UCK2: variants seen among roughly 807,000 people sequenced by gnomAD.
The protein encoded by UCK2 is cytidine monophosphokinase 2.
In UCK2, 6 loss-of-function variants were observed where a neutral mutation model predicts 30.8. The observed-to-expected ratio is 0.19, with a 90% CI of 0.11 to 0.38. The LOEUF (loss-of-function observed/expected upper bound fraction) is 0.38, where lower values mean the gene tolerates loss of function less well. UCK2 is among the 10% of genes least tolerant of loss of function. The pLI is 1.00. For missense variants in UCK2, 210 were observed against 339.8 expected, an observed-to-expected ratio of 0.62 and a Z score of 3.00; for synonymous variants, 125 against 133.6, an observed-to-expected ratio of 0.94 and a Z score of 0.45.
intron 3 of UCK2, chr1:165,894,686 C>T (rs1159193364): frequency 6.6e-6 from 1 of 151,924 alleles, no homozygotes; most frequent in Non-Finnish European, 1.5e-5. Flanking sequence ...GTCTTCCCTG[C>T]CCCGTTCTGC....
Position 165,896,316 on chromosome 1 carries a change from C to G in UCK2, c.483C>G (p.Thr161=). The change falls in exon 4 of 7, where the codon ACC becomes ACG. Residue 161 remains threonine (T), a synonymous_variant. Transcript: ENST00000367879. ...MKLFVDTDAD[T]RLSRRVLRDI... is the part of the protein sequence containing the mutation. ...TTTTTGTGGATACAGATGCGGACAC[C>G]CGGCTCTCACGCAGAGGTGCGTTCT... The G allele has an allele frequency of 6.2e-7, 1 of 1,614,092 alleles. No individual in the cohort carries two copies. The highest frequency in any genetic ancestry group is 8.5e-7 in the Non-Finnish European group (1 of 1,180,026).
At chr1:165,832,857 G>C (rs1654085546) in intron 1 of UCK2, among the ~76,000 whole-genome samples, 1 of 152,124 alleles carries the variant, frequency 6.6e-6, no homozygotes, top group South Asian at 2.1e-4. Context: ...AAAGTGCTGA[G>C]ATTACAGGCA....
At position 165,886,299 on chromosome 1, in the gene UCK2, C is replaced by G. The variant is rs1000235743; in HGVS notation, c.100-3905C>G. The stretch of plus-strand genomic sequence containing the variant: ...ATTTCTCTTTCTTTTCTTTTTTTCT[C>G]TCTTATTTTTTTAGAGATAGAGTCT... On this transcript the variant is annotated intron_variant, in intron 1 of 6. Transcript: ENST00000367879. Among the ~76,000 whole-genome samples, 5 of 151,786 alleles carry G rather than the reference C, an allele frequency of 3.3e-5. No individual in the cohort carries two copies. The Admixed American group carries it at 3.3e-4, about 10-fold the overall frequency.
In UCK2 at chr1:165,827,862, A is replaced by G. The variant is rs1653927951; in HGVS notation, c.29A>G (p.Gln10Arg). 1.4e-6 allele frequency: 2 copies of G among 1,478,444 alleles called. No individual in the cohort carries two copies. Among genetic ancestry groups the G allele is most frequent in the Non-Finnish European group, 1.8e-6 (2 of 1,108,164 alleles). The allele number at this position is 1,478,444 out of a possible 1,614,324, so 91.6% of individuals were successfully genotyped here. Reference sequence around the variant, plus strand: ...GCCGGGGACAGCGAGCAGACCCTGCAGAACCACCAGCAGCCCAACGGCGGC... The same window carrying G: ...GCCGGGGACAGCGAGCAGACCCTGCGGAACCACCAGCAGCCCAACGGCGGC... MAGDSEQTLQNHQQPNGGEP... is the reference protein window; with the variant it reads MAGDSEQTLRNHQQPNGGEP... The change falls in exon 1 of 7, where the codon CAG (glutamine) becomes CGG (arginine). Residue 10 changes from glutamine to arginine, a missense_variant. Coordinates refer to ENST00000367879, the MANE Select transcript of UCK2 (RefSeq NM_012474.5).
chr1:165,864,704 C>G (rs1655004794), intron 1 of UCK2, among the ~76,000 whole-genome samples: 1 of 152,058 alleles, frequency 6.6e-6, no homozygotes, highest in African/African-American at 2.4e-5. Flanking sequence ...TTTAGAGACA[C>G]AGTCTTACTC....
In UCK2 at chr1:165,828,448, G is replaced by A. The variant is rs542042678; in HGVS notation, c.99+516G>A. 3.6e-3 allele frequency among the ~76,000 whole-genome samples: 541 copies of A among 152,364 alleles called. 9 individuals are homozygous for A. Among genetic ancestry groups the A allele is most frequent in the African/African-American group, 0.013 (524 of 41,592 alleles). On this transcript the variant is annotated intron_variant, in intron 1 of 6. Coordinates refer to ENST00000367879, the MANE Select transcript of UCK2 (RefSeq NM_012474.5). ...GGGAACGCGCGAGGCGGCATCCCGG[G>A]GAAGGGGAGCCCAGTGTGGGGCTGC...
chr1:165,872,036 T>TC (rs1395875579), intron 1 of UCK2, among the ~76,000 whole-genome samples: 21 of 151,922 alleles, frequency 1.4e-4, no homozygotes, highest in Non-Finnish European at 2.1e-4. Context: ...TTTTTTTTTT[T>TC]TCTCTTTTTG....
At chr1:165,887,680 G>A (rs1031178807) in intron 1 of UCK2, among the ~76,000 whole-genome samples, 7 of 152,020 alleles carry the variant, frequency 4.6e-5, no homozygotes, top group Non-Finnish European at 8.8e-5. Flanking sequence ...CGTAAGAAAC[G>A]TCCTAAGATA....
At chr1:165,885,189 T>C in intron 1 of UCK2, 1 of 387,940 alleles carries the variant, frequency 2.6e-6, no homozygotes, top group East Asian at 3.6e-5. Context: ...CCAAAGCGGC[T>C]TATGTTCTAA....
chr1:165,878,386 A>G (rs1398811944), intron 1 of UCK2, among the ~76,000 whole-genome samples: 3 of 150,420 alleles, frequency 2.0e-5, no homozygotes, highest in African/African-American at 7.4e-5. Flanking sequence ...GCTGGAGTGC[A>G]ATGGCGCAAT....
At chr1:165,855,834 G>T (rs566189550) in intron 1 of UCK2, among the ~76,000 whole-genome samples, 91 of 152,236 alleles carry the variant, frequency 6.0e-4, no homozygotes, top group African/African-American at 2.0e-3. Flanking sequence ...CTGTTTCCTT[G>T]TCCTGGCCAA....
At chr1:165,830,646 A>G (rs1225138593) in intron 1 of UCK2, among the ~76,000 whole-genome samples, 1 of 152,168 alleles carries the variant, frequency 6.6e-6, no homozygotes, top group Non-Finnish European at 1.5e-5. Flanking sequence ...TGTAGAGACT[A>G]GGTCACCATG....
intron 4 of UCK2, chr1:165,902,868 T>A (rs1455114847): frequency 3.7e-5 from 8 of 218,022 alleles, no homozygotes; most frequent in Admixed American, 2.1e-4. Flanking sequence ...CCTGCTTTTT[T>A]AAAAAATTCA....
chr1:165,828,563 G>T (rs1653957939), intron 1 of UCK2, among the ~76,000 whole-genome samples: 1 of 152,236 alleles, frequency 6.6e-6, no homozygotes, highest in African/African-American at 2.4e-5. Context: ...AATAGTAGGG[G>T]CTTCTGTTTT....
intron 1 of UCK2, among the ~76,000 whole-genome samples, chr1:165,874,532 A>G (rs1349364773): frequency 1.3e-5 from 2 of 152,118 alleles, no homozygotes; most frequent in African/African-American, 4.8e-5. Flanking sequence ...CCCTGCGTTA[A>G]AAGGGATAGG....
chr1:165,888,728 C>T (rs1655687727), intron 1 of UCK2, among the ~76,000 whole-genome samples: 1 of 150,926 alleles, frequency 6.6e-6, no homozygotes, highest in Non-Finnish European at 1.5e-5. Flanking sequence ...AGCAATCCAC[C>T]CCCTTCAGCC....
chr1:165,888,948 A>G (rs1200672090), intron 1 of UCK2, among the ~76,000 whole-genome samples: 1 of 152,212 alleles, frequency 6.6e-6, no homozygotes, highest in Admixed American at 6.5e-5. Context: ...TTGTTTCATA[A>G]TGTTCCTTTT....
At chr1:165,890,946 G>C (rs1028925052) in intron 2 of UCK2, 3 of 379,438 alleles carry the variant, frequency 7.9e-6, no homozygotes, top group African/African-American at 6.3e-5. Flanking sequence ...GATGATAACA[G>C]CTAAACTTGG....
rs188082763 is a variant in UCK2 at position 165,839,002 on chromosome 1, C to T, written c.99+11070C>T. 1.6e-3 allele frequency among the ~76,000 whole-genome samples: 247 copies of T among 151,988 alleles called. 2 individuals carry two copies. In the Middle Eastern group the frequency reaches 0.034, roughly 21 times the overall value. ...GGCGGAGATTTCAGTGAGCCGAGATCGTGCCACTGCACTCCAGCCTGGATG... is the reference window on the plus strand; with the variant it reads ...GGCGGAGATTTCAGTGAGCCGAGATTGTGCCACTGCACTCCAGCCTGGATG... On this transcript the variant is annotated intron_variant, in intron 1 of 6. Transcript: ENST00000367879.
Sources: gnomAD v4.1 joint callset for allele counts (sites outside exome capture counted in the v4.1 genomes callset) on GRCh38, gnomAD v4.1.1 for gene constraint, MANE v1.5 for transcripts, NCBI Gene and HGNC (gene_info 2026-07-23, HGNC 2026-07-21) for gene names.